The following GABARAPL2 variants were observed in gnomAD, a reference collection of about 807,000 sequenced individuals.
GABARAPL2 encodes the protein gamma-aminobutyric acid receptor-associated protein-like 2.
GABARAPL2 carries 11 observed loss-of-function variants against 16.9 expected under a neutral mutation model. The ratio of observed to expected loss-of-function variants is 0.65; its 90% CI spans 0.41 to 1.08. The LOEUF (loss-of-function observed/expected upper bound fraction) is 1.08. Ranked by LOEUF, GABARAPL2 falls within the 50% of genes least tolerant of loss-of-function variation. The pLI, the probability that GABARAPL2 is intolerant of heterozygous loss-of-function variation, is 0.00. For missense variants in GABARAPL2, 134 were observed against 142.5 expected (o/e 0.94, Z 0.30); for synonymous variants, 57 against 50.7 (o/e 1.12, Z -0.53).
intron 3 of GABARAPL2, among the ~76,000 whole-genome samples, chr16:75,574,630 G>C (rs2080936541): frequency 6.6e-6 from 1 of 152,012 alleles, no homozygotes; most frequent in Middle Eastern, 3.2e-3. Context: ...CTAGTTTCTG[G>C]CTTGTCATTT....
intron 3 of GABARAPL2, 81 bp downstream of exon 3, chr16:75,568,290 T>C: frequency 1.0e-6 from 1 of 1,001,680 alleles, no homozygotes; most frequent in South Asian, 1.7e-5. Flanking sequence ...TTTGGAAGTC[T>C]GAAAACTCTT....
Position 75,566,870 on chromosome 16 carries a change from C to G in GABARAPL2, c.53C>G (p.Ser18Cys), listed in dbSNP as rs765010205. The change falls in exon 2 of 4, where the codon TCC (serine) becomes TGC (cysteine). Residue 18 changes from serine to cysteine, a missense_variant. Coordinates refer to ENST00000037243, the MANE Select transcript of GABARAPL2 (RefSeq NM_007285.7). ...DHSLEHRCVESAKIRAKYPDR... is the reference protein window; with the variant it reads ...DHSLEHRCVECAKIRAKYPDR... The stretch of plus-strand genomic sequence containing the variant: ...CCCACAGAACACAGATGCGTGGAGT[C>G]CGCGAAGATTCGAGCGAAATATCCC... The G allele has an allele frequency of 1.9e-6, 3 of 1,613,554 alleles. No homozygotes were observed. The Admixed American group carries it at 5.0e-5, about 27-fold the overall frequency.
Position 75,566,862 on chromosome 16 carries a change from C to G in GABARAPL2, c.45C>G (p.Cys15Trp), listed in dbSNP as rs771943322. 11 of 1,613,252 alleles carry G rather than the reference C, an allele frequency of 6.8e-6. No homozygotes were observed. Among genetic ancestry groups the G allele is most frequent in the Non-Finnish European group, 9.3e-6 (11 of 1,179,770 alleles). Residue 15 changes from cysteine to tryptophan, a missense_variant, in exon 2 of 4, where the codon TGC (cysteine) becomes TGG (tryptophan). Cys to Trp is a radical substitution (Grantham distance 215). Coordinates refer to ENST00000037243, the MANE Select transcript of GABARAPL2 (RefSeq NM_007285.7). ...TTGTTTCTCCCACAGAACACAGATG[C>G]GTGGAGTCCGCGAAGATTCGAGCGA... Reference protein sequence around the residue: ...FKEDHSLEHRCVESAKIRAKY... With the variant: ...FKEDHSLEHRWVESAKIRAKY...
At chr16:75,571,501 T>C (rs2080914275) in intron 3 of GABARAPL2, among the ~76,000 whole-genome samples, 1 of 152,118 alleles carries the variant, frequency 6.6e-6, no homozygotes. Flanking sequence ...CTAAAGCAGA[T>C]TATACCAGTA....
intron 3 of GABARAPL2, among the ~76,000 whole-genome samples, chr16:75,573,643 G>C (rs921605378): frequency 2.0e-5 from 3 of 152,270 alleles, no homozygotes; most frequent in African/African-American, 7.2e-5. Flanking sequence ...GTGATGCAGA[G>C]ACTGGCAGCA....
chr16:75,573,940 G>A (rs998741246), intron 3 of GABARAPL2, among the ~76,000 whole-genome samples: 4 of 152,214 alleles, frequency 2.6e-5, no homozygotes, highest in African/African-American at 9.6e-5. Flanking sequence ...GTTAATACAT[G>A]TAATGTATAA....
chr16:75,566,965 A>T, intron 2 of GABARAPL2, 58 bp downstream of exon 2: 1 of 1,375,926 alleles, frequency 7.3e-7, no homozygotes, highest in South Asian at 1.2e-5. Flanking sequence ...GGGACCCGTG[A>T]TAGGCCCCAG....
chr16:75,568,241 T>C (rs1399390706), intron 3 of GABARAPL2, 32 bp downstream of exon 3: 3 of 1,497,016 alleles, frequency 2.0e-6, no homozygotes, highest in Non-Finnish European at 2.8e-6. Context: ...GGCCCTCTGG[T>C]ATTAGACATC....
chr16:75,573,031 T>G (rs1159656107), intron 3 of GABARAPL2, among the ~76,000 whole-genome samples: 1 of 152,176 alleles, frequency 6.6e-6, no homozygotes, highest in Non-Finnish European at 1.5e-5. Flanking sequence ...GATAGATGCA[T>G]TAGAGCTGCC....
rs1299810599 is a variant in GABARAPL2, at chr16:75,577,695, T to C, written c.*326T>C. 5.6e-5 allele frequency: 12 copies of C among 213,212 alleles called. No homozygotes were observed. The Admixed American group carries it at 6.3e-4, about 11-fold the overall frequency. The allele number at this position is 213,212 out of a possible 1,614,324, so 13.2% of individuals were successfully genotyped here. A position where few individuals can be genotyped will look rare whatever the true frequency, so the allele number is the denominator to read the frequency against. On this transcript the variant is annotated 3_prime_UTR_variant, in exon 4 of 4. Coordinates refer to ENST00000037243, the MANE Select transcript of GABARAPL2 (RefSeq NM_007285.7). The stretch of plus-strand genomic sequence containing the variant: ...AGTGAAAGGGAAGGTGATGCATTTA[T>C]TCTGGGTTATGCTTGAAGTGTTAGA...
intron 3 of GABARAPL2, among the ~76,000 whole-genome samples, chr16:75,573,445 C>T (rs2080928421): frequency 6.6e-6 from 1 of 152,214 alleles, no homozygotes; most frequent in South Asian, 2.1e-4. Context: ...CATTCAGTTA[C>T]CAAGTTCCTT....
intron 3 of GABARAPL2, 115 bp from the exon 4 acceptor site, chr16:75,577,163 GC>G: frequency 1.5e-6 from 1 of 689,418 alleles, no homozygotes; most frequent in Admixed American, 2.3e-5. Context: ...AGGATTATAA[GC>G]ACACAGCAGG....
chr16:75,572,755 T>G (rs938652461), intron 3 of GABARAPL2: 5 of 152,254 alleles, frequency 3.3e-5, no homozygotes, highest in African/African-American at 1.2e-4. Flanking sequence ...CTCCATGGCT[T>G]GAATCTACCA....
chr16:75,571,807 C>T (rs930063145), intron 3 of GABARAPL2, among the ~76,000 whole-genome samples: 1 of 151,524 alleles, frequency 6.6e-6, no homozygotes, highest in African/African-American at 2.4e-5. Context: ...CCCCTAGTAG[C>T]TGGGATTACA....
rs916732293 is a variant in GABARAPL2 at position 75,566,581 on chromosome 16, C to G, written c.34+61C>G. 3.8e-6 allele frequency: 6 copies of G among 1,582,194 alleles called. No homozygotes were observed. The African/African-American group carries it at 8.2e-5, about 22-fold the overall frequency. On this transcript the variant is annotated intron_variant, in intron 1 of 3. Coordinates refer to ENST00000037243, the MANE Select transcript of GABARAPL2 (RefSeq NM_007285.7). ...TGGGGCGGCGGGTGGGCCCCCTCCCCCACTCGGGCGGCCCTGGGCCGAGTG... is the reference window on the plus strand; with the variant it reads ...TGGGGCGGCGGGTGGGCCCCCTCCCGCACTCGGGCGGCCCTGGGCCGAGTG...
At chr16:75,571,799 C>G (rs1166162574) in intron 3 of GABARAPL2, among the ~76,000 whole-genome samples, 2 of 151,754 alleles carry the variant, frequency 1.3e-5, no homozygotes, top group South Asian at 4.2e-4. Context: ...GCCTCTGCCC[C>G]CTAGTAGCTG....
chr16:75,568,341 A>G, intron 3 of GABARAPL2, 132 bp downstream of exon 3: 1 of 592,080 alleles, frequency 1.7e-6, no homozygotes, highest in Non-Finnish European at 3.1e-6. Flanking sequence ...GCTCCCTGAC[A>G]TCAGGGGCTC....
chr16:75,568,899 G>T (rs11149841), intron 3 of GABARAPL2, among the ~76,000 whole-genome samples: 26,199 of 152,090 alleles, frequency 0.17, 2,510 homozygotes, highest in Non-Finnish European at 0.22. Flanking sequence ...GAAAGTGGAT[G>T]GGCTCCGTCT....
At position 75,577,376 on chromosome 16, in the gene GABARAPL2, T is replaced by C. The variant is rs2151720961; in HGVS notation, c.*7T>C. 1.9e-6 allele frequency: 3 copies of C among 1,551,612 alleles called. No individual in the cohort carries two copies. In the East Asian group the frequency reaches 6.7e-5, roughly 35 times the overall value. ...GAACACTTTTGGCTTCTGAGGGCCATTGCTGGGCTAGGTGCACCGTAACTG... is the reference window on the plus strand; with the variant it reads ...GAACACTTTTGGCTTCTGAGGGCCACTGCTGGGCTAGGTGCACCGTAACTG... On this transcript the variant is annotated 3_prime_UTR_variant, in exon 4 of 4. Coordinates refer to ENST00000037243, the MANE Select transcript of GABARAPL2 (RefSeq NM_007285.7).
Sources: gnomAD v4.1 joint callset for allele counts (sites outside exome capture counted in the v4.1 genomes callset) on GRCh38, gnomAD v4.1.1 for gene constraint, MANE v1.5 for transcripts, NCBI Gene and HGNC (gene_info 2026-07-23, HGNC 2026-07-21) for gene names.